The following WDR75 variants were observed in gnomAD, a reference collection of about 807,000 sequenced individuals.
WDR75 encodes the protein WD repeat-containing protein 75.
In WDR75, 52 loss-of-function variants were observed where a neutral mutation model predicts 106.1. The ratio of observed to expected loss-of-function variants is 0.49; its 90% CI spans 0.39 to 0.62. The LOEUF (loss-of-function observed/expected upper bound fraction) is 0.62. Among genes scored for constraint, WDR75 ranks in the 20% least tolerant of loss-of-function variants. The pLI, the probability that WDR75 is intolerant of heterozygous loss-of-function variation, is 0.00. For missense variants in WDR75, 905 were observed against 970.3 expected (o/e 0.93, Z 0.89); for synonymous variants, 333 against 335.5 (o/e 0.99, Z 0.08).
intron 8 of WDR75, among the ~76,000 whole-genome samples, chr2:189,461,025 TG>T (rs1324329447): frequency 6.6e-6 from 1 of 152,194 alleles, no homozygotes; most frequent in Non-Finnish European, 1.5e-5. Context: ...ATATGCACAA[TG>T]TATCATATAT....
In WDR75 at chr2:189,455,422, A is replaced by G. The variant is rs115191423; in HGVS notation, c.476A>G (p.Lys159Arg). The G allele has an allele frequency of 3.4e-5, 54 of 1,611,306 alleles. No individual in the cohort carries two copies. The East Asian group carries it at 1.1e-3, about 34-fold the overall frequency. ...FVLDYINQSPKCIAFGNEGVY... is the reference protein window; with the variant it reads ...FVLDYINQSPRCIAFGNEGVY... ...TTGGATTACATAAACCAGTCACCCA[A>G]GTGCATTGCCTTTGGAAACGAGGTA... The change falls in exon 5 of 21, where the codon AAG becomes AGG. Residue 159 changes from lysine to arginine, a missense_variant. By Grantham distance (26) the Lys-to-Arg change is conservative. Coordinates refer to ENST00000314761, the MANE Select transcript of WDR75 (RefSeq NM_032168.3).
intron 2 of WDR75, chr2:189,449,783 T>A: frequency 1.0e-6 from 1 of 984,374 alleles, no homozygotes; most frequent in Non-Finnish European, 1.2e-6. Flanking sequence ...TCCTAGTTTG[T>A]ATAATTTTTT....
Position 189,475,412 on chromosome 2 carries a change from C to G in WDR75, c.2488C>G (p.Leu830Val). ...AATAGACTACAGCTGGATAGCTGCC[C>G]TTTAAGCCTTGGAGATGGGGAGGAT... ...RKIDYSWIAA[L>V] Residue 830 changes from leucine to valine, a missense_variant, in exon 21 of 21, where the codon CTT (leucine) becomes GTT (valine). By Grantham distance (32) the Leu-to-Val change is conservative. Transcript: ENST00000314761. 5 of 1,596,972 alleles carry G rather than the reference C, an allele frequency of 3.1e-6. No homozygotes were observed. Among genetic ancestry groups the G allele is most frequent in the East Asian group, 2.2e-5 (1 of 44,614 alleles).
chr2:189,449,786 A>G (rs1243420580), intron 2 of WDR75: 1 of 984,174 alleles, frequency 1.0e-6, no homozygotes, highest in South Asian at 4.7e-5. Flanking sequence ...TAGTTTGTAT[A>G]ATTTTTTGAC....
At chr2:189,467,210 A>G (rs1687020926) in intron 13 of WDR75, among the ~76,000 whole-genome samples, 1 of 152,132 alleles carries the variant, frequency 6.6e-6, no homozygotes, top group Admixed American at 6.6e-5. Flanking sequence ...GCACAGTAAG[A>G]GGTTAATAAC....
intron 12 of WDR75, among the ~76,000 whole-genome samples, chr2:189,466,166 T>G (rs1686995325): frequency 3.9e-5 from 6 of 152,180 alleles, no homozygotes; most frequent in Admixed American, 3.9e-4. Context: ...TGTATTATCC[T>G]CATTTTGTAC....
chr2:189,450,696 A>G, intron 2 of WDR75: 1 of 1,363,756 alleles, frequency 7.3e-7, no homozygotes, highest in Admixed American at 3.8e-5. Flanking sequence ...TCTTTTAGTT[A>G]AAACTTGAAA....
Position 189,465,203 on chromosome 2 carries a change from CTG to C in WDR75, c.1239_1240del (p.Glu414AlafsTer2). The C allele has an allele frequency of 6.2e-7, 1 of 1,613,050 alleles. No individual in the cohort carries two copies. On this transcript the variant is annotated frameshift_variant, in exon 12 of 21. Transcript: ENST00000314761. LOFTEE classifies it high-confidence loss of function. ...GTGGAACAGCGGCAAGAAAAGGAAA[CTG>C]AGCTTGAATTGCAAATGAAACTGTG... is the stretch of plus-strand genomic sequence containing the variant.
chr2:189,452,005 G>T, intron 4 of WDR75, 110 bp downstream of exon 4: 1 of 787,964 alleles, frequency 1.3e-6, no homozygotes, highest in African/African-American at 1.7e-5. Context: ...TTTTTAGAAT[G>T]GGCATTTAAA....
At chr2:189,442,459 T>TA (rs1686398442) in intron 1 of WDR75, among the ~76,000 whole-genome samples, 1 of 142,306 alleles carries the variant, frequency 7.0e-6, no homozygotes, top group South Asian at 2.3e-4. Flanking sequence ...TTTTTTTTTT[T>TA]TTTTTTTTTG....
intron 1 of WDR75, among the ~76,000 whole-genome samples, chr2:189,442,442 C>CTTTTTTTTTTTTTTTTTTT (rs1188214718): frequency 1.4e-5 from 1 of 73,900 alleles, no homozygotes. Context: ...CCACAATATT[C>CTTTTTTTTTTTTTTTTTTT]TTTTTTTTTT....
chr2:189,450,141 C>T, intron 2 of WDR75: 1 of 959,528 alleles, frequency 1.0e-6, no homozygotes, highest in Non-Finnish European at 1.2e-6. Context: ...ATTGCCTCAG[C>T]ATCCAAGCAT....
At chr2:189,457,125 C>T (rs955964983) in intron 5 of WDR75, among the ~76,000 whole-genome samples, 186 bp from the exon 6 acceptor site, 3 of 151,926 alleles carry the variant, frequency 2.0e-5, no homozygotes, top group African/African-American at 4.8e-5. Flanking sequence ...CCTGTAATCC[C>T]AGCTACTTGG....
Position 189,463,906 on chromosome 2 carries a change from G to T in WDR75, c.1058G>T (p.Gly353Val), listed in dbSNP as rs1432958296. ...AGAACTAAAGCTTTGGTTTTGAATG[G>T]AAAACCTGGCCACCTGCAGTTTTAT... ...DPRTKALVLNGKPGHLQFYSL... is the reference protein window; with the variant it reads ...DPRTKALVLNVKPGHLQFYSL... Residue 353 changes from glycine to valine, a missense_variant, in exon 11 of 21, where the codon GGA (glycine) becomes GTA (valine). Gly to Val is a moderately radical substitution (Grantham distance 109). Coordinates refer to ENST00000314761, the MANE Select transcript of WDR75 (RefSeq NM_032168.3). 6.2e-7 allele frequency: 1 copy of T among 1,613,864 alleles called. No individual in the cohort carries two copies. Among genetic ancestry groups the T allele is most frequent in the Non-Finnish European group, 8.5e-7 (1 of 1,179,838 alleles).
chr2:189,444,402 G>A (rs570406842), intron 1 of WDR75, among the ~76,000 whole-genome samples: 2 of 152,188 alleles, frequency 1.3e-5, no homozygotes, highest in African/African-American at 4.8e-5. Context: ...TAAGTTCCTG[G>A]TGTTCCCATA....
At chr2:189,453,711 G>A (rs1266354646) in intron 4 of WDR75, among the ~76,000 whole-genome samples, 1 of 152,124 alleles carries the variant, frequency 6.6e-6, no homozygotes, top group Non-Finnish European at 1.5e-5. Flanking sequence ...ATGTCAGTCA[G>A]GCTTGAAAAG....
rs1409979946 is a variant in WDR75, at chr2:189,451,837, CTT to C, written c.317_318del (p.Phe106TyrfsTer6). ...TAGTTGGATGTAAACTTCATGCCCT[CTT>C]TACTCTTGCCCAAGCTGAGGATTCT... is the stretch of plus-strand genomic sequence containing the variant. ...FIVGCKLHAL[F>X]TLAQAEDSVF... On this transcript the variant is annotated frameshift_variant, in exon 4 of 21. Coordinates refer to ENST00000314761, the MANE Select transcript of WDR75 (RefSeq NM_032168.3). LOFTEE classifies it high-confidence loss of function. 6.2e-7 allele frequency: 1 copy of C among 1,613,662 alleles called. No homozygotes were observed. The highest frequency in any genetic ancestry group is 8.5e-7 in the Non-Finnish European group (1 of 1,179,922).
In WDR75 at chr2:189,441,586, G is replaced by A. The variant is rs775301588; in HGVS notation, c.86+8G>A. ...GTTCTCTGCAGATTCTAAGTATGAG[G>A]GGCACCGCGCTTTGTCGGCTGAGGG... is the stretch of plus-strand genomic sequence containing the variant. On this transcript the variant is annotated splice_region_variant and intron_variant, in intron 1 of 20. Transcript: ENST00000314761. 1.8e-5 allele frequency: 28 copies of A among 1,554,570 alleles called. No homozygotes were observed. The highest frequency in any genetic ancestry group is 2.3e-5 in the Non-Finnish European group (26 of 1,147,972).
At position 189,467,552 on chromosome 2, in the gene WDR75, C is replaced by G; in HGVS notation, c.1532C>G (p.Ser511Cys). The G allele has an allele frequency of 1.2e-6, 2 of 1,611,498 alleles. No individual in the cohort carries two copies. Among genetic ancestry groups the G allele is most frequent in the Non-Finnish European group, 1.7e-6 (2 of 1,178,624 alleles). Residue 511 changes from serine (S) to cysteine (C), a missense_variant, in exon 14 of 21, where the codon TCT becomes TGT. By Grantham distance (112) the Ser-to-Cys change is moderately radical. Transcript: ENST00000314761. ...ATNCCFSEDG[S>C]LLAVSFEEIV... ...AACTGTTGTTTCTCCGAAGATGGTT[C>G]TTTACTAGCAGTTAGTTTTGAGGAA...
Sources: allele counts gnomAD v4.1 joint callset (sites outside exome capture counted in the v4.1 genomes callset), GRCh38; gene constraint gnomAD v4.1.1; transcripts MANE v1.5; gene names NCBI Gene and HGNC (gene_info 2026-07-23, HGNC 2026-07-21).